Variants in RTN4RL1 observed in about 807,000 individuals in gnomAD.
RTN4RL1 encodes the protein reticulon-4 receptor-like 1.
A neutral mutation model predicts 25.6 loss-of-function variants in RTN4RL1; 7 were observed. The observed-to-expected ratio is 0.27, with a 90% CI of 0.16 to 0.51. RTN4RL1 has a LOEUF of 0.51. RTN4RL1 is among the 20% of genes least tolerant of loss of function. The pLI is 0.97. For missense variants in RTN4RL1, 500 were observed against 615.6 expected (o/e 0.81, Z 1.99); for synonymous variants, 297 against 288.2 (o/e 1.03, Z -0.31).
At chr17:2,017,477 G>A (rs1296996215) in intron 1 of RTN4RL1, among the ~76,000 whole-genome samples, 1 of 152,180 alleles carries the variant, frequency 6.6e-6, no homozygotes, top group Non-Finnish European at 1.5e-5. Flanking sequence ...GGCACACACA[G>A]CGCTGGCCTG....
intron 1 of RTN4RL1, among the ~76,000 whole-genome samples, chr17:1,992,267 G>A (rs2066912535): frequency 6.6e-6 from 1 of 150,882 alleles, no homozygotes; most frequent in Non-Finnish European, 1.5e-5. Flanking sequence ...GGGGGGGCAG[G>A]AGAATGGCGT....
intron 1 of RTN4RL1, among the ~76,000 whole-genome samples, chr17:2,007,337 A>AACACACACAC (rs34669886): frequency 0.013 from 1,886 of 140,372 alleles, 26 homozygotes; most frequent in East Asian, 0.029. Context: ...TCACAGCCCC[A>AACACACACAC]ACACACACAC....
In RTN4RL1 at chr17:1,935,365, C is replaced by A. The variant is rs1405436844; in HGVS notation, c.*1131G>T. ...CTCACCCTGAAGCCAACAGCTACGA[C>A]AGCAGGGGTGACAGGGCGCTCCAGG... On this transcript the variant is annotated 3_prime_UTR_variant, in exon 2 of 2. Coordinates refer to ENST00000331238, the MANE Select transcript of RTN4RL1 (RefSeq NM_178568.4). 2.4e-5 allele frequency: 4 copies of A among 164,820 alleles called. No individual in the cohort carries two copies. The highest frequency in any genetic ancestry group is 5.0e-5 in the Non-Finnish European group (4 of 79,272). 10.2% of individuals were successfully genotyped at this position (164,820 alleles called of 1,614,324 possible).
intron 1 of RTN4RL1, among the ~76,000 whole-genome samples, chr17:1,952,685 C>T (rs892282590): frequency 6.6e-6 from 1 of 151,924 alleles, no homozygotes; most frequent in Admixed American, 6.6e-5. Flanking sequence ...ACCCAACCCC[C>T]CTCCTCTTGG....
At chr17:1,943,435 C>A (rs2151305266) in intron 1 of RTN4RL1, among the ~76,000 whole-genome samples, 1 of 152,358 alleles carries the variant, frequency 6.6e-6, no homozygotes, top group South Asian at 2.1e-4. Context: ...AGGGCTGGCC[C>A]CATGGCTGGT....
chr17:1,993,040 C>G (rs1047466189), intron 1 of RTN4RL1, among the ~76,000 whole-genome samples: 1 of 151,952 alleles, frequency 6.6e-6, no homozygotes, highest in Non-Finnish European at 1.5e-5. Flanking sequence ...GTCAGCAGTT[C>G]GAGACCAGCC....
intron 1 of RTN4RL1, among the ~76,000 whole-genome samples, chr17:1,950,353 G>A (rs970759060): frequency 6.6e-6 from 1 of 152,120 alleles, no homozygotes; most frequent in African/African-American, 2.4e-5. Context: ...TCCAGAAGAC[G>A]GACAGGATGA....
intron 1 of RTN4RL1, 121 bp from the exon 2 acceptor site, chr17:1,937,929 C>A: frequency 1.2e-6 from 1 of 850,722 alleles, no homozygotes; most frequent in Non-Finnish European, 1.8e-6. Flanking sequence ...GAGCCTTGTC[C>A]CTGGCTGGAG....
intron 1 of RTN4RL1, among the ~76,000 whole-genome samples, chr17:1,988,977 T>C (rs1006378168): frequency 1.1e-4 from 17 of 152,108 alleles, no homozygotes; most frequent in African/African-American, 4.1e-4. Flanking sequence ...GGGGCCCCTA[T>C]TTCAAGAGCC....
In RTN4RL1 at chr17:2,004,477, C is replaced by T. The variant is rs1160436199; in HGVS notation, c.13+20376G>A. ...CTGAGGCGGGGCTTTCTTTTCCAGT[C>T]GGGGGACCCTGTTTCAGAGACAAGG... On this transcript the variant is annotated intron_variant, in intron 1 of 1. Coordinates refer to ENST00000331238, the MANE Select transcript of RTN4RL1 (RefSeq NM_178568.4). Among the ~76,000 whole-genome samples, 5 of 151,456 alleles carry T rather than the reference C, an allele frequency of 3.3e-5. No homozygotes were observed. In the South Asian group the frequency reaches 6.3e-4, roughly 19 times the overall value.
intron 1 of RTN4RL1, among the ~76,000 whole-genome samples, chr17:1,969,225 A>T (rs747584165): frequency 1.3e-5 from 2 of 151,732 alleles, no homozygotes; most frequent in Non-Finnish European, 2.9e-5. Context: ...CATCCAGCTA[A>T]TTTTTTTATT....
At chr17:1,948,602 CACAGGTGG>C (rs796467661) in intron 1 of RTN4RL1, among the ~76,000 whole-genome samples, 2 of 152,168 alleles carry the variant, frequency 1.3e-5, no homozygotes, top group African/African-American at 4.8e-5. Context: ...GACGGGCAGA[CACAGGTGG>C]ACGGGCGGAC....
chr17:2,022,131 A>T (rs1047877857), intron 1 of RTN4RL1, among the ~76,000 whole-genome samples: 1 of 151,828 alleles, frequency 6.6e-6, no homozygotes. Context: ...CCTGGCCAAC[A>T]TGGCAAAACC....
chr17:2,021,854 CTTTTTTTT>C (rs869227846), intron 1 of RTN4RL1, among the ~76,000 whole-genome samples: 5 of 88,352 alleles, frequency 5.7e-5, no homozygotes, highest in Admixed American at 4.1e-4. Flanking sequence ...TGTGCCCGGT[CTTTTTTTT>C]TTTTTTTTTT....
At chr17:1,985,387 G>C (rs910390544) in intron 1 of RTN4RL1, among the ~76,000 whole-genome samples, 3 of 152,172 alleles carry the variant, frequency 2.0e-5, no homozygotes, top group Non-Finnish European at 2.9e-5. Flanking sequence ...CCCAGGGCTC[G>C]CAAGCCGCCT....
chr17:1,939,711 C>G (rs1054340331), intron 1 of RTN4RL1, among the ~76,000 whole-genome samples: 1 of 152,182 alleles, frequency 6.6e-6, no homozygotes, highest in Non-Finnish European at 1.5e-5. Context: ...TAGCCCCGTG[C>G]TCATTATTGG....
intron 1 of RTN4RL1, among the ~76,000 whole-genome samples, chr17:1,971,180 G>C (rs1304601089): frequency 6.6e-6 from 1 of 152,152 alleles, no homozygotes; most frequent in Non-Finnish European, 1.5e-5. Context: ...CTCCCTTGCT[G>C]TTCTCGTGAT....
At chr17:1,993,783 CAA>C (rs111293292) in intron 1 of RTN4RL1, among the ~76,000 whole-genome samples, 1 of 137,816 alleles carries the variant, frequency 7.3e-6, no homozygotes, top group Non-Finnish European at 1.6e-5. Flanking sequence ...TTTTGAATCT[CAA>C]AAAAAAAAAA....
At chr17:1,943,227 C>T (rs1173985776) in intron 1 of RTN4RL1, among the ~76,000 whole-genome samples, 1 of 152,266 alleles carries the variant, frequency 6.6e-6, no homozygotes, top group Admixed American at 6.5e-5. Context: ...GGCCACGGCA[C>T]ATGGCTGGCG....
Sources: gnomAD v4.1 joint callset for allele counts (sites outside exome capture counted in the v4.1 genomes callset) on GRCh38, gnomAD v4.1.1 for gene constraint, MANE v1.5 for transcripts, NCBI Gene and HGNC (gene_info 2026-07-23, HGNC 2026-07-21) for gene names.